Variants in WWOX observed in about 807,000 individuals in gnomAD.
WWOX encodes the protein WW domain containing oxidoreductase.
In WWOX, 69 loss-of-function variants were observed where a neutral mutation model predicts 46.2. The ratio of observed to expected loss-of-function variants is 1.49; its 90% CI spans 1.23 to 1.82. The LOEUF is 1.82. Ranked by LOEUF, WWOX falls within the 40% of genes most tolerant of loss-of-function variation. WWOX has a pLI of 0.00. For missense variants in WWOX, 919 were observed against 542.6 expected, an observed-to-expected ratio of 1.69 and a Z score of -6.89; for synonymous variants, 359 against 202.6, an observed-to-expected ratio of 1.77 and a Z score of -6.56.
intron 8 of WWOX, among the ~76,000 whole-genome samples, chr16:79,095,790 C>G (rs1226020812): frequency 6.6e-6 from 1 of 151,430 alleles, no homozygotes; most frequent in Non-Finnish European, 1.5e-5. Context: ...AGAAAGCCGA[C>G]TTCACCCTTG....
At chr16:78,503,100 G>A (rs780036201) in intron 8 of WWOX, among the ~76,000 whole-genome samples, 82 of 152,152 alleles carry the variant, frequency 5.4e-4, no homozygotes, top group Non-Finnish European at 1.9e-4. Flanking sequence ...CTGTTTTTGA[G>A]ATTTATGAGG....
chr16:79,144,549 G>A (rs556605208), intron 8 of WWOX, among the ~76,000 whole-genome samples: 4 of 152,126 alleles, frequency 2.6e-5, no homozygotes, highest in African/African-American at 7.2e-5. Context: ...TTTGTAACAT[G>A]ATTTAAGCAC....
At chr16:78,969,583 C>G (rs1272436314) in intron 8 of WWOX, among the ~76,000 whole-genome samples, 1 of 152,170 alleles carries the variant, frequency 6.6e-6, no homozygotes, top group African/African-American at 2.4e-5. Context: ...TCTCTTTCAA[C>G]TAGAACAGTT....
At chr16:78,952,481 C>T (rs1597198247) in intron 8 of WWOX, among the ~76,000 whole-genome samples, 1 of 151,336 alleles carries the variant, frequency 6.6e-6, no homozygotes, top group Non-Finnish European at 1.5e-5. Context: ...CTCCCAGGTT[C>T]AGGCGATTCT....
intron 8 of WWOX, among the ~76,000 whole-genome samples, chr16:78,556,636 C>G (rs368081417): frequency 6.6e-6 from 1 of 152,130 alleles, no homozygotes; most frequent in Non-Finnish European, 1.5e-5. Flanking sequence ...CAGAGTTCAA[C>G]CAAACGTACC....
chr16:78,510,501 C>A (rs1158615538), intron 8 of WWOX, among the ~76,000 whole-genome samples: 1 of 152,146 alleles, frequency 6.6e-6, no homozygotes, highest in Non-Finnish European at 1.5e-5. Context: ...TCGTGAGCCA[C>A]CGTGCCGGCC....
At chr16:79,041,523 C>G (rs1018252539) in intron 8 of WWOX, among the ~76,000 whole-genome samples, 3 of 152,174 alleles carry the variant, frequency 2.0e-5, no homozygotes, top group African/African-American at 7.2e-5. Flanking sequence ...GTCCGCAGAA[C>G]TCATCAGCTG....
chr16:79,100,266 A>T (rs2049164983), intron 8 of WWOX, among the ~76,000 whole-genome samples: 1 of 152,240 alleles, frequency 6.6e-6, no homozygotes, highest in African/African-American at 2.4e-5. Flanking sequence ...AAATAAGATC[A>T]AGATTAGAAT....
intron 8 of WWOX, among the ~76,000 whole-genome samples, chr16:78,702,971 G>C (rs753327953): frequency 2.6e-5 from 4 of 152,130 alleles, no homozygotes; most frequent in Admixed American, 2.0e-4. Context: ...TGCTCTTGTA[G>C]ATCATCATAG....
intron 8 of WWOX, among the ~76,000 whole-genome samples, chr16:78,918,446 G>A (rs928214786): frequency 6.6e-6 from 1 of 151,790 alleles, no homozygotes; most frequent in African/African-American, 2.4e-5. Flanking sequence ...TGGCAGGGCT[G>A]GACTGTCACT....
At chr16:78,868,386 G>A (rs1457136408) in intron 8 of WWOX, among the ~76,000 whole-genome samples, 4 of 151,958 alleles carry the variant, frequency 2.6e-5, no homozygotes, top group African/African-American at 9.7e-5. Context: ...TGAGTGGAGG[G>A]GATTACCTGG....
At chr16:78,909,689 C>G (rs369029433) in intron 8 of WWOX, among the ~76,000 whole-genome samples, 2 of 152,140 alleles carry the variant, frequency 1.3e-5, no homozygotes, top group Non-Finnish European at 2.9e-5. Flanking sequence ...ATATTTCTTA[C>G]CAGGAGTACA....
At chr16:78,137,533 TTA>T (rs2033840905) in intron 4 of WWOX, among the ~76,000 whole-genome samples, 1 of 152,204 alleles carries the variant, frequency 6.6e-6, no homozygotes, top group African/African-American at 2.4e-5. Flanking sequence ...GACCAAGTTC[TTA>T]TTTTCTTCTT....
At chr16:78,561,498 G>A (rs983452633) in intron 8 of WWOX, among the ~76,000 whole-genome samples, 2 of 152,020 alleles carry the variant, frequency 1.3e-5, no homozygotes, top group African/African-American at 4.8e-5. Flanking sequence ...AGTATGAATT[G>A]ACTCAGTAAC....
At chr16:78,415,831 A>G (rs2082785545) in intron 6 of WWOX, among the ~76,000 whole-genome samples, 1 of 151,896 alleles carries the variant, frequency 6.6e-6, no homozygotes, top group Admixed American at 6.6e-5. Context: ...CCCCACCACT[A>G]CCACCTTAAC....
At chr16:79,077,401 G>A (rs937431253) in intron 8 of WWOX, 2 of 152,140 alleles carry the variant, frequency 1.3e-5, no homozygotes, top group African/African-American at 2.4e-5. Context: ...AAAACCACAT[G>A]CATGCACAGA....
At chr16:78,326,530 A>G (rs1181956144) in intron 5 of WWOX, among the ~76,000 whole-genome samples, 2 of 131,636 alleles carry the variant, frequency 1.5e-5, no homozygotes, top group Admixed American at 8.6e-5. Context: ...GTTTCTCTGG[A>G]TGTATTACTT....
intron 8 of WWOX, among the ~76,000 whole-genome samples, chr16:79,145,010 T>A (rs1335739277): frequency 6.6e-6 from 1 of 152,176 alleles, no homozygotes; most frequent in Non-Finnish European, 1.5e-5. Flanking sequence ...GTATATCCCC[T>A]GTGCAGAAGC....
rs2045193425 is a variant in WWOX at position 78,585,977 on chromosome 16, C to T, written c.1056+153225C>T. On this transcript the variant is annotated intron_variant, in intron 8 of 8. Coordinates refer to ENST00000566780, the MANE Select transcript of WWOX (RefSeq NM_016373.4). ...TTTTGGAGGCCGAGACTCGGGGATC[C>T]CTTGAGCCCAGGAGGTTAGAGACCA... is the stretch of plus-strand genomic sequence containing the variant. Among the ~76,000 whole-genome samples the T allele has an allele frequency of 3.9e-5, 6 of 151,948 alleles. No homozygotes were observed. In the South Asian group the frequency reaches 1.2e-3, roughly 32 times the overall value.
Sources: allele counts gnomAD v4.1 joint callset (sites outside exome capture counted in the v4.1 genomes callset), GRCh38; gene constraint gnomAD v4.1.1; transcripts MANE v1.5; gene names NCBI Gene and HGNC (gene_info 2026-07-23, HGNC 2026-07-21).